Variants in SOCS6 observed in about 807,000 individuals in gnomAD.
SOCS6 encodes suppressor of cytokine signaling 6, also known as STAT induced STAT inhibitor-4.
Under a neutral mutation model 27.7 loss-of-function variants are expected in SOCS6, and 5 were observed. That is an observed-to-expected ratio of 0.18 (90% CI 0.09 to 0.38). The LOEUF (loss-of-function observed/expected upper bound fraction) is 0.38, where lower values mean the gene tolerates loss of function less well. SOCS6 is among the 10% of genes least tolerant of loss of function. The probability of loss-of-function intolerance (pLI) is 1.00; values close to 1 mark genes in which losing one functional copy is unlikely to be tolerated. For synonymous variants in SOCS6, 271 were observed against 260.0 expected (o/e 1.04, Z -0.41); for missense variants, 595 against 688.1 (o/e 0.86, Z 1.51).
At chr18:70,311,903 A>G (rs1375741015) in intron 1 of SOCS6, among the ~76,000 whole-genome samples, 1 of 152,124 alleles carries the variant, frequency 6.6e-6, no homozygotes, top group African/African-American at 2.4e-5. Flanking sequence ...TTATGCAGTA[A>G]ATGTTTCGTG....
chr18:70,317,482 A>G (rs2062416604), intron 1 of SOCS6, among the ~76,000 whole-genome samples: 1 of 137,772 alleles, frequency 7.3e-6, no homozygotes, highest in African/African-American at 3.5e-5. Context: ...ACATATATAC[A>G]TACATATATA....
At chr18:70,300,627 T>C (rs1328884386) in intron 1 of SOCS6, among the ~76,000 whole-genome samples, 1 of 152,302 alleles carries the variant, frequency 6.6e-6, no homozygotes, top group East Asian at 1.9e-4. Context: ...TTATTTTCAT[T>C]GAGTCAGAAG....
chr18:70,302,387 C>T (rs559695956), intron 1 of SOCS6, among the ~76,000 whole-genome samples: 6 of 151,974 alleles, frequency 3.9e-5, no homozygotes, highest in East Asian at 1.9e-4. Flanking sequence ...AATGGTAGGC[C>T]GGGAAGGAGA....
Position 70,326,141 on chromosome 18 carries a change from G to C in SOCS6, c.1473G>C (p.Val491=). The C allele has an allele frequency of 1.2e-6, 2 of 1,614,190 alleles. No homozygotes were observed. Among genetic ancestry groups the C allele is most frequent in the Non-Finnish European group, 1.7e-6 (2 of 1,180,036 alleles). ...ACCCCGTCAGACTGACCAACCCAGT[G>C]TCCCGGTTCATGCAGGTGCGCTCGT... The part of the protein sequence containing the change: ...ATYPVRLTNP[V]SRFMQVRSLQ... The change falls in exon 2 of 2, where the codon GTG becomes GTC. Residue 491 remains valine, a synonymous_variant. Transcript: ENST00000397942.
chr18:70,297,979 T>A (rs982043755), intron 1 of SOCS6, among the ~76,000 whole-genome samples: 1 of 152,210 alleles, frequency 6.6e-6, no homozygotes, highest in African/African-American at 2.4e-5. Context: ...AGCATTTGAA[T>A]AATGGGCAAA....
In SOCS6 at chr18:70,324,797, T is replaced by C. The variant is rs1241318340; in HGVS notation, c.129T>C (p.Phe43=). The stretch of plus-strand genomic sequence containing the variant: ...ACTTTGGAAAAGATGATTCCTTATT[T>C]GGTAGCTGCTATGGTAAAGATATGG... The part of the protein sequence containing the change: ...ASDFGKDDSL[F]GSCYGKDMAS... The change falls in exon 2 of 2, where the codon TTT becomes TTC. Residue 43 remains phenylalanine, a synonymous_variant. Coordinates refer to ENST00000397942, the MANE Select transcript of SOCS6 (RefSeq NM_004232.4). 5.6e-6 allele frequency: 9 copies of C among 1,614,048 alleles called. No individual in the cohort carries two copies. The highest frequency in any genetic ancestry group is 7.6e-6 in the Non-Finnish European group (9 of 1,180,030).
chr18:70,305,109 A>T (rs903035737), intron 1 of SOCS6, among the ~76,000 whole-genome samples: 1 of 105,454 alleles, frequency 9.5e-6, no homozygotes, highest in Non-Finnish European at 1.9e-5. Flanking sequence ...GGGGAGGCCG[A>T]CGCAGGAGAA....
intron 1 of SOCS6, among the ~76,000 whole-genome samples, chr18:70,296,093 G>A (rs1484360526): frequency 6.6e-6 from 1 of 152,202 alleles, no homozygotes; most frequent in Admixed American, 6.5e-5. Context: ...TCCTTCCCAA[G>A]TGGGGTTCCT....
At chr18:70,298,437 T>C (rs950537851) in intron 1 of SOCS6, among the ~76,000 whole-genome samples, 2 of 152,202 alleles carry the variant, frequency 1.3e-5, no homozygotes, top group Admixed American at 1.3e-4. Flanking sequence ...AGGTGAATGG[T>C]ATTAAAAGAA....
rs777278365 is a variant in SOCS6, at chr18:70,324,695, A to T, written c.27A>T (p.Leu9Phe). MKKISLKT[L>F]RKSFNLNKSK... The stretch of plus-strand genomic sequence containing the variant: ...TGAAGAAAATTAGTCTTAAAACCTT[A>T]CGGAAATCTTTTAACTTGAATAAAA... The change falls in exon 2 of 2, where the codon TTA becomes TTT. Residue 9 changes from leucine (L) to phenylalanine (F), a missense_variant. Transcript: ENST00000397942. 3 of 1,595,722 alleles carry T rather than the reference A, an allele frequency of 1.9e-6. No homozygotes were observed. Among genetic ancestry groups the T allele is most frequent in the Non-Finnish European group, 2.6e-6 (3 of 1,168,382 alleles).
intron 1 of SOCS6, among the ~76,000 whole-genome samples, chr18:70,299,696 T>C (rs1289308011): frequency 6.6e-6 from 1 of 152,178 alleles, no homozygotes; most frequent in African/African-American, 2.4e-5. Flanking sequence ...GGGCTTGTTT[T>C]GAACAATAAA....
At position 70,289,085 on chromosome 18, in the gene SOCS6, C is replaced by G. The variant is rs1277164562; in HGVS notation, c.-132C>G. The stretch of plus-strand genomic sequence containing the variant: ...GGGCGAGGAAGCGGAGCCGGGCCGC[C>G]TCCGGGTAAGCGTCCGGGGAGCTCG... On this transcript the variant is annotated 5_prime_UTR_variant, in exon 1 of 2. Coordinates refer to ENST00000397942, the MANE Select transcript of SOCS6 (RefSeq NM_004232.4). The G allele has an allele frequency of 2.0e-5, 3 of 149,982 alleles. No individual in the cohort carries two copies. Among genetic ancestry groups the G allele is most frequent in the African/African-American group, 7.3e-5 (3 of 41,212 alleles). The allele number at this position is 149,982 out of a possible 1,614,324, so 9.3% of individuals were successfully genotyped here.
At position 70,325,323 on chromosome 18, in the gene SOCS6, G is replaced by T; in HGVS notation, c.655G>T (p.Asp219Tyr). Residue 219 changes from aspartate to tyrosine, a missense_variant, in exon 2 of 2, where the codon GAC (aspartate) becomes TAC (tyrosine). Asp to Tyr is a radical substitution (Grantham distance 160). Around this residue, in one of 2 missense-constraint regions of SOCS6, gnomAD observed 467 missense variants for 481.1 expected, o/e 0.97. Coordinates refer to ENST00000397942, the MANE Select transcript of SOCS6 (RefSeq NM_004232.4). The surrounding 1 kb of genome is among the most constrained non-coding windows in gnomAD (Gnocchi z 6.3). ...TGTCGTTATTGGACTTATGCCTCAGGACTACATTCAGTATACTGTGCCTTT... is the reference window on the plus strand; with the variant it reads ...TGTCGTTATTGGACTTATGCCTCAGTACTACATTCAGTATACTGTGCCTTT... ...VPVVIGLMPQ[D>Y]YIQYTVPLDE... The T allele has an allele frequency of 1.5e-5, 25 of 1,614,174 alleles. No homozygotes were observed. The highest frequency in any genetic ancestry group is 2.0e-5 in the Non-Finnish European group (24 of 1,180,010).
At chr18:70,289,558 C>A (rs1158152371) in intron 1 of SOCS6, among the ~76,000 whole-genome samples, 1 of 147,094 alleles carries the variant, frequency 6.8e-6, no homozygotes, top group Non-Finnish European at 1.5e-5. Flanking sequence ...CGCGGCTCTG[C>A]GCCCCGGCCG....
chr18:70,318,326 T>C (rs1910843536), intron 1 of SOCS6, among the ~76,000 whole-genome samples: 1 of 152,190 alleles, frequency 6.6e-6, no homozygotes, highest in South Asian at 2.1e-4. Flanking sequence ...TGTTCATATG[T>C]TTAAATTGCA....
intron 1 of SOCS6, among the ~76,000 whole-genome samples, chr18:70,313,852 G>A (rs947898660): frequency 1.3e-5 from 2 of 152,066 alleles, no homozygotes; most frequent in African/African-American, 2.4e-5. Context: ...TCATTTTGTT[G>A]ACTTTCTTGA....
At position 70,329,211 on chromosome 18, in the gene SOCS6, T is replaced by TTTTG. The variant is rs1426948489; in HGVS notation, c.*2935_*2936insTTTG. The TTTTG allele has an allele frequency of 1.8e-4, 30 of 167,038 alleles. No homozygotes were observed. The highest frequency in any genetic ancestry group is 7.2e-4 in the African/African-American group (30 of 41,430). 10.3% of individuals were successfully genotyped at this position (167,038 alleles called of 1,614,324 possible). ...GGAAAACTCTTTCTACTTGGTGCAA[T>TTTTG]AATCTGAAAATTTAGAAGGTCAAAA... is the stretch of plus-strand genomic sequence containing the variant. On this transcript the variant is annotated 3_prime_UTR_variant, in exon 2 of 2. Coordinates refer to ENST00000397942, the MANE Select transcript of SOCS6 (RefSeq NM_004232.4).
At chr18:70,321,312 G>GTT (rs763120236) in intron 1 of SOCS6, among the ~76,000 whole-genome samples, 1,008 of 68,672 alleles carry the variant, frequency 0.015, 142 homozygotes, top group African/African-American at 0.021. Flanking sequence ...AATTTTCTCA[G>GTT]TTTTTTTTTT....
Position 70,324,574 on chromosome 18 carries a change from A to G in SOCS6, c.-95A>G. 1 of 820,110 alleles carries G rather than the reference A, an allele frequency of 1.2e-6. No homozygotes were observed. The highest frequency in any genetic ancestry group is 1.9e-5 in the South Asian group (1 of 51,384). The allele number at this position is 820,110 out of a possible 1,614,324, so 50.8% of individuals were successfully genotyped here. A position where few individuals can be genotyped will look rare whatever the true frequency, so the allele number is the denominator to read the frequency against. On this transcript the variant is annotated 5_prime_UTR_variant, in exon 2 of 2. Transcript: ENST00000397942. ...GCTCCAAAGGTTAAATGAAGCAGGA[A>G]AAATACATAGATGCAGCCTTGCAGC...
Sources: gnomAD v4.1 joint callset for allele counts (sites outside exome capture counted in the v4.1 genomes callset) on GRCh38, gnomAD v4.1.1 for gene constraint, gnomAD v4.1.1 regional missense constraint, Gnocchi (gnomAD v3.1) non-coding constraint, MANE v1.5 for transcripts, NCBI Gene and HGNC (gene_info 2026-07-23, HGNC 2026-07-21) for gene names.